ARHGEF28: variants seen among roughly 807,000 people sequenced by gnomAD.
ARHGEF28 encodes 190 kDa guanine nucleotide exchange factor.
ARHGEF28 carries 152 observed loss-of-function variants against 206.6 expected under a neutral mutation model. The ratio of observed to expected loss-of-function variants is 0.74; its 90% CI spans 0.64 to 0.84. ARHGEF28 has a LOEUF of 0.84. Ranked by LOEUF, ARHGEF28 falls within the 40% of genes least tolerant of loss-of-function variation. ARHGEF28 has a pLI of 0.00. For missense variants in ARHGEF28, 2,028 were observed against 2,073.2 expected (o/e 0.98, Z 0.42); for synonymous variants, 763 against 776.4 (o/e 0.98, Z 0.29).
At chr5:73,797,623 A>T (rs758636587) in intron 9 of ARHGEF28, among the ~76,000 whole-genome samples, 2 of 152,094 alleles carry the variant, frequency 1.3e-5, no homozygotes, top group African/African-American at 4.8e-5. Flanking sequence ...ACCTCAAGTG[A>T]TCTGCCAGCC....
intron 16 of ARHGEF28, among the ~76,000 whole-genome samples, chr5:73,861,387 A>G (rs1759391671): frequency 6.6e-6 from 1 of 152,240 alleles, no homozygotes; most frequent in Admixed American, 6.5e-5. Flanking sequence ...AACTTTTTAT[A>G]ATATTACCAC....
At chr5:73,643,728 T>C (rs1204512091) in intron 1 of ARHGEF28, among the ~76,000 whole-genome samples, 1 of 151,122 alleles carries the variant, frequency 6.6e-6, no homozygotes, top group East Asian at 1.9e-4. Flanking sequence ...GATGTGAGGA[T>C]CGCTTGCACC....
intron 2 of ARHGEF28, among the ~76,000 whole-genome samples, chr5:73,685,604 A>G (rs1023394085): frequency 6.6e-6 from 1 of 151,902 alleles, no homozygotes. Context: ...ATTGAAACAA[A>G]TTTTATTTTT....
intron 1 of ARHGEF28, among the ~76,000 whole-genome samples, chr5:73,640,034 A>G (rs1413228070): frequency 6.6e-6 from 1 of 152,228 alleles, no homozygotes; most frequent in African/African-American, 2.4e-5. Context: ...CATACGGGAA[A>G]TAGCTAGCAT....
chr5:73,753,061 G>T lies in ARHGEF28; in HGVS notation c.334G>T (p.Ala112Ser). ...GGTGACGCAGGCCAATCGCCTCACA[G>T]CCTGCAGCCACCAGACCCTGCTGAC... ...LLVTQANRLT[A>S]CSHQTLLTPF... Residue 112 changes from alanine to serine, a missense_variant, in exon 4 of 36, where the codon GCC (alanine) becomes TCC (serine). By Grantham distance (99) the Ala-to-Ser change is moderately conservative. Transcript: ENST00000513042. 1 of 1,610,756 alleles carries T rather than the reference G, an allele frequency of 6.2e-7. No homozygotes were observed.
chr5:73,852,398 T>A (rs1450760940), intron 13 of ARHGEF28, among the ~76,000 whole-genome samples: 2 of 152,248 alleles, frequency 1.3e-5, no homozygotes, highest in East Asian at 3.8e-4. Context: ...TTGCTGATGC[T>A]AACTTAGTTC....
At position 73,909,712 on chromosome 5, in the gene ARHGEF28, C is replaced by T. The variant is rs1278546699; in HGVS notation, c.4462C>T (p.Arg1488Trp). The change falls in exon 34 of 36, where the codon CGG becomes TGG. Residue 1488 changes from arginine (R) to tryptophan (W), a missense_variant. This residue lies in a region of ARHGEF28 where 803 missense variants were observed against 768.0 expected (regional missense o/e 1.05). Coordinates refer to ENST00000513042, the MANE Select transcript of ARHGEF28 (RefSeq NM_001177693.2). ...CCAGTCGCAGGAGGAGCTGCTGCTG[C>T]GGAGCCGGGGCGAGCTGGACCTCCA... ...ECQSQEELLL[R>W]SRGELDLQLQ... 8.5e-6 allele frequency: 13 copies of T among 1,526,464 alleles called. No homozygotes were observed. Among genetic ancestry groups the T allele is most frequent in the African/African-American group, 5.5e-5 (4 of 72,666 alleles). The allele number at this position is 1,526,464 out of a possible 1,614,324, so 94.6% of individuals were successfully genotyped here. A position where few individuals can be genotyped will look rare whatever the true frequency, so the allele number is the denominator to read the frequency against.
chr5:73,809,558 T>C (rs1254452609), intron 9 of ARHGEF28, among the ~76,000 whole-genome samples: 1 of 152,216 alleles, frequency 6.6e-6, no homozygotes, highest in Admixed American at 6.5e-5. Flanking sequence ...ACAAAAAATT[T>C]TGGGTCCCCC....
At chr5:73,770,869 A>G (rs1429763640) in intron 4 of ARHGEF28, among the ~76,000 whole-genome samples, 3 of 152,232 alleles carry the variant, frequency 2.0e-5, no homozygotes, top group Non-Finnish European at 4.4e-5. Context: ...TCAGGCCTGC[A>G]TGTTTACTGT....
chr5:73,714,265 C>A (rs1291377410), intron 2 of ARHGEF28, among the ~76,000 whole-genome samples: 1 of 152,100 alleles, frequency 6.6e-6, no homozygotes, highest in African/African-American at 2.4e-5. Flanking sequence ...ATATAAAGAA[C>A]AAAGAAATCA....
chr5:73,845,264 C>A (rs1388052338), intron 11 of ARHGEF28, among the ~76,000 whole-genome samples: 3 of 152,144 alleles, frequency 2.0e-5, no homozygotes, highest in Non-Finnish European at 4.4e-5. Flanking sequence ...GATCCGCCCA[C>A]CTTGGCCTCC....
chr5:73,893,378 C>CAGG, intron 28 of ARHGEF28, 90 bp downstream of exon 28: 5 of 1,039,550 alleles, frequency 4.8e-6, no homozygotes, highest in Non-Finnish European at 6.6e-6. Flanking sequence ...GTTATAACTA[C>CAGG]ATGATTCATC....
intron 4 of ARHGEF28, among the ~76,000 whole-genome samples, chr5:73,757,700 A>G (rs1752389847): frequency 6.6e-6 from 1 of 152,238 alleles, no homozygotes; most frequent in Non-Finnish European, 1.5e-5. Flanking sequence ...CCCAGATTTT[A>G]TTTAATTTTA....
At chr5:73,718,207 AT>A (rs1276663149) in intron 2 of ARHGEF28, among the ~76,000 whole-genome samples, 8 of 152,128 alleles carry the variant, frequency 5.3e-5, no homozygotes, top group Non-Finnish European at 1.2e-4. Context: ...AGTTAGCAGG[AT>A]TATAGACCTC....
chr5:73,856,220 T>C lies in ARHGEF28; in HGVS notation c.1791-1436T>C, dbSNP rs376995121. Among the ~76,000 whole-genome samples, 101 of 152,346 alleles carry C rather than the reference T, an allele frequency of 6.6e-4. 2 individuals carry two copies. In the South Asian group the frequency reaches 0.02, roughly 30 times the overall value. ...TCGGATTCTATTAACCAGTCAGTTA[T>C]CCTAGGTAAAAATGACTAGAGGTAG... On this transcript the variant is annotated intron_variant, in intron 14 of 35. Coordinates refer to ENST00000513042, the MANE Select transcript of ARHGEF28 (RefSeq NM_001177693.2).
Position 73,832,340 on chromosome 5 carries a change from C to G in ARHGEF28, c.1027C>G (p.Arg343Gly). 1 of 1,612,566 alleles carries G rather than the reference C, an allele frequency of 6.2e-7. No homozygotes were observed. The highest frequency in any genetic ancestry group is 8.5e-7 in the Non-Finnish European group (1 of 1,179,272). The change falls in exon 10 of 36, where the codon CGC becomes GGC. Residue 343 changes from arginine to glycine, a missense_variant and splice_region_variant. By Grantham distance (125) the Arg-to-Gly change is moderately radical (BLOSUM62 -2). Around this residue, in one of 3 missense-constraint regions of ARHGEF28, gnomAD observed 1,002 missense variants for 1,015.3 expected, o/e 0.99. Transcript: ENST00000513042. Reference sequence around the variant, plus strand: ...CTGTTTTCATTTTTGTACTCTAGATCGCTCCTTCGATATCCTAAAAAAATC... The same window carrying G: ...CTGTTTTCATTTTTGTACTCTAGATGGCTCCTTCGATATCCTAAAAAAATC... ...HEDQHSLDLD[R>G]SFDILKKSKP...
At chr5:73,755,613 G>A (rs1464002771) in intron 4 of ARHGEF28, among the ~76,000 whole-genome samples, 5 of 152,250 alleles carry the variant, frequency 3.3e-5, no homozygotes, top group East Asian at 1.9e-4. Context: ...TTTTTATGCC[G>A]ATATTTAGAA....
At chr5:73,776,877 G>T (rs989871188) in intron 6 of ARHGEF28, among the ~76,000 whole-genome samples, 181 bp downstream of exon 6, 1 of 151,940 alleles carries the variant, frequency 6.6e-6, no homozygotes, top group African/African-American at 2.4e-5. Flanking sequence ...TTTTATAGGA[G>T]TTTGTATAAT....
intron 2 of ARHGEF28, among the ~76,000 whole-genome samples, chr5:73,737,467 CTTTTCTTTTCTT>C (rs1751032128): frequency 1.3e-5 from 1 of 79,442 alleles, no homozygotes; most frequent in African/African-American, 5.9e-5. Flanking sequence ...CTTTTCTTTT[CTTTTCTTTTCTT>C]TTCTTTTCTT....
Sources: allele counts gnomAD v4.1 joint callset (sites outside exome capture counted in the v4.1 genomes callset), GRCh38; gene constraint gnomAD v4.1.1; regional missense constraint gnomAD v4.1.1; transcripts MANE v1.5; gene names NCBI Gene and HGNC (gene_info 2026-07-23, HGNC 2026-07-21).